CEP152: variants seen among roughly 807,000 people sequenced by gnomAD.
CEP152 encodes centrosomal protein 152.
A neutral mutation model predicts 188.9 loss-of-function variants in CEP152; 132 were observed. The observed-to-expected ratio is 0.70, with a 90% CI of 0.61 to 0.81. CEP152 has a LOEUF of 0.81. Ranked by LOEUF, CEP152 falls within the 30% of genes least tolerant of loss-of-function variation. The probability of loss-of-function intolerance (pLI) is 0.00; values close to 1 mark genes in which losing one functional copy is unlikely to be tolerated. For missense variants in CEP152, 1,914 were observed against 1,969.8 expected (o/e 0.97, Z 0.54); for synonymous variants, 649 against 666.6 (o/e 0.97, Z 0.41).
chr15:48,780,686 C>T (rs1397233577), intron 12 of CEP152, among the ~76,000 whole-genome samples: 2 of 152,204 alleles, frequency 1.3e-5, no homozygotes, highest in Non-Finnish European at 2.9e-5. Flanking sequence ...ATACATCAAA[C>T]ATAACATTGA....
intron 12 of CEP152, among the ~76,000 whole-genome samples, chr15:48,775,201 A>G (rs1251054539): frequency 6.6e-6 from 1 of 152,026 alleles, no homozygotes; most frequent in Non-Finnish European, 1.5e-5. Context: ...CCAAAAGGAG[A>G]GAACAAAGAC....
In CEP152 at chr15:48,783,752, TA is replaced by T. The variant is rs893869178; in HGVS notation, c.1321+220del. 32 of 171,222 alleles carry T rather than the reference TA, an allele frequency of 1.9e-4. No individual in the cohort carries two copies. In the East Asian group the frequency reaches 3.1e-3, roughly 17 times the overall value. 10.6% of individuals were successfully genotyped at this position (171,222 alleles called of 1,614,324 possible). ...AATAAAAACAAACTAAACCTTTATA[TA>T]TTTTTTTATATATGTGTGTATGTAT... On this transcript the variant is annotated intron_variant, in intron 10 of 26. Transcript: ENST00000380950.
At chr15:48,781,845 C>T (rs1379591954) in intron 11 of CEP152, among the ~76,000 whole-genome samples, 1 of 152,138 alleles carries the variant, frequency 6.6e-6, no homozygotes, top group East Asian at 1.9e-4. Flanking sequence ...ATTCAACATT[C>T]CCCACCCCCA....
chr15:48,788,770 A>G lies in CEP152; in HGVS notation c.1173+31T>C, dbSNP rs1260508362. 5 of 1,585,706 alleles carry G rather than the reference A, an allele frequency of 3.2e-6. No homozygotes were observed. The African/African-American group carries it at 4.0e-5, about 13-fold the overall frequency. ...AAAACATAACCAGCTTTACTTGTTG[A>G]TAACAGTTGCTCATTTGAAATCATC... On this transcript the variant is annotated intron_variant, in intron 9 of 26. Transcript: ENST00000380950.
chr15:48,759,736 C>T (rs1894541442), intron 19 of CEP152, among the ~76,000 whole-genome samples: 1 of 152,074 alleles, frequency 6.6e-6, no homozygotes, highest in Non-Finnish European at 1.5e-5. Flanking sequence ...AGTCAAGAAA[C>T]ATGACATTTC....
intron 2 of CEP152, among the ~76,000 whole-genome samples, chr15:48,732,509 G>A (rs1473590099): frequency 6.6e-6 from 1 of 151,966 alleles, no homozygotes; most frequent in Non-Finnish European, 1.5e-5. Flanking sequence ...GGAACACATG[G>A]ACACAGAGAG....
At chr15:48,787,163 GT>G (rs747436177) in intron 9 of CEP152, among the ~76,000 whole-genome samples, 5,719 of 101,406 alleles carry the variant, frequency 0.056, 407 homozygotes, top group East Asian at 0.35. Context: ...TATAGCCTTC[GT>G]TTTTTTTTTT....
Position 48,788,961 on chromosome 15 carries a change from C to T in CEP152, c.1013G>A (p.Ser338Asn). 6.2e-7 allele frequency: 1 copy of T among 1,614,196 alleles called. No homozygotes were observed. Among genetic ancestry groups the T allele is most frequent in the Admixed American group, 1.7e-5 (1 of 60,022 alleles). The change falls in exon 9 of 27, where the codon AGC (serine) becomes AAC (asparagine). Residue 338 changes from serine (S) to asparagine (N), a missense_variant. Physicochemically the swap from Ser to Asn is conservative, Grantham distance 46. Transcript: ENST00000380950. The part of the protein sequence containing the change: ...KSRTTEMALE[S>N]LKQQLVDLHH... ...AAGGTCCACCAGCTGCTGCTTCAAG[C>T]TTTCCAGAGCCATTTCAGTTGTTCT...
At chr15:48,750,019 C>T (rs1893759678) in intron 21 of CEP152, among the ~76,000 whole-genome samples, 1 of 151,952 alleles carries the variant, frequency 6.6e-6, no homozygotes, top group African/African-American at 2.4e-5. Flanking sequence ...ATATAACTTA[C>T]CCTCCAATGG....
intron 14 of CEP152, among the ~76,000 whole-genome samples, chr15:48,768,535 A>G (rs1346062497): frequency 1.3e-5 from 2 of 152,212 alleles, no homozygotes; most frequent in African/African-American, 4.8e-5. Context: ...TAGTTTTCTG[A>G]CAGGACTAAA....
At chr15:48,808,350 G>A (rs1430161689) in intron 1 of CEP152, among the ~76,000 whole-genome samples, 3 of 149,934 alleles carry the variant, frequency 2.0e-5, no homozygotes, top group Non-Finnish European at 4.4e-5. Context: ...TTTGTTTAAG[G>A]CAAAAGACAT....
chr15:48,756,458 C>G lies in CEP152; in HGVS notation c.2790G>C (p.Lys930Asn), dbSNP rs552953431. ...CAAGTTCCTTCTGAAGAGAATGAAT[C>G]TTCTCTTCCAATTCCTTTCCAGGAA... ...NILPGKELEE[K>N]IHSLQKELEL... is the part of the protein sequence containing the mutation. The change falls in exon 20 of 27, where the codon AAG (lysine) becomes AAC (asparagine). Residue 930 changes from lysine (K) to asparagine (N), a missense_variant. By Grantham distance (94) the Lys-to-Asn change is moderately conservative (BLOSUM62 0). Transcript: ENST00000380950. 4.0e-5 allele frequency: 65 copies of G among 1,613,578 alleles called. No homozygotes were observed. In the South Asian group the frequency reaches 6.5e-4, roughly 16 times the overall value.
At position 48,768,288 on chromosome 15, in the gene CEP152, T is replaced by C; in HGVS notation, c.1949A>G (p.Gln650Arg). The change falls in exon 15 of 27, where the codon CAA becomes CGA. Residue 650 changes from glutamine to arginine, a missense_variant. Transcript: ENST00000380950. The stretch of plus-strand genomic sequence containing the variant: ...TTGTCTCATTTGATTACATAAGTCT[T>C]GATTTGTATTTCTCAGTTTTCCTTC... ...ETEGKLRNTN[Q>R]DLCNQMRQMV... 6.2e-7 allele frequency: 1 copy of C among 1,611,242 alleles called. No individual in the cohort carries two copies. The highest frequency in any genetic ancestry group is 8.5e-7 in the Non-Finnish European group (1 of 1,177,412).
At chr15:48,800,310 T>C (rs1054487982) in intron 2 of CEP152, among the ~76,000 whole-genome samples, 1 of 152,182 alleles carries the variant, frequency 6.6e-6, no homozygotes, top group Admixed American at 6.5e-5. Context: ...TCAAGTTCTT[T>C]GGCATAGCTG....
intron 26 of CEP152, 92 bp from the exon 27 acceptor site, chr15:48,739,380 T>C (rs995569511): frequency 2.2e-5 from 31 of 1,439,550 alleles, no homozygotes; most frequent in Non-Finnish European, 2.5e-5. Flanking sequence ...AAATTAAAAA[T>C]AAGAAAAAAT....
Position 48,760,204 on chromosome 15 carries a change from C to T in CEP152, c.2625G>A (p.Glu875=), listed in dbSNP as rs1279579518. 1.9e-6 allele frequency: 3 copies of T among 1,614,002 alleles called. No individual in the cohort carries two copies. The highest frequency in any genetic ancestry group is 1.6e-4 in the Middle Eastern group (1 of 6,084). ...RWLGELPELA[E]YQALVKAEQK... is the part of the protein sequence containing the mutation. ...GTTCTGCCTTCACAAGTGCTTGATACTCTGCCAGCTCTGGTAGTTCTCCCA... is the reference window on the plus strand; with the variant it reads ...GTTCTGCCTTCACAAGTGCTTGATATTCTGCCAGCTCTGGTAGTTCTCCCA... Residue 875 remains glutamate (E), a synonymous_variant, in exon 19 of 27, where the codon GAG becomes GAA. Coordinates refer to ENST00000380950, the MANE Select transcript of CEP152 (RefSeq NM_001194998.2).
At chr15:48,758,739 G>GAAAAAAAAAAAAA (rs1894462399) in intron 19 of CEP152, among the ~76,000 whole-genome samples, 1 of 59,462 alleles carries the variant, frequency 1.7e-5, no homozygotes, top group Non-Finnish European at 3.7e-5. Flanking sequence ...AAAAAAAAAG[G>GAAAAAAAAAAAAA]CAAATTCCCA....
intron 2 of CEP152, among the ~76,000 whole-genome samples, chr15:48,802,637 T>C (rs892293429): frequency 1.8e-4 from 28 of 152,308 alleles, no homozygotes; most frequent in East Asian, 3.9e-4. Context: ...CTTTTTTTTT[T>C]CCCAAAATAT....
chr15:48,742,190 G>A, intron 24 of CEP152, 90 bp from the exon 25 acceptor site: 2 of 1,123,366 alleles, frequency 1.8e-6, no homozygotes, highest in Non-Finnish European at 2.7e-6. Flanking sequence ...CAATTTTCTG[G>A]TAGATGAAGT....
Sources: gnomAD v4.1 joint callset for allele counts (sites outside exome capture counted in the v4.1 genomes callset) on GRCh38, gnomAD v4.1.1 for gene constraint, MANE v1.5 for transcripts, NCBI Gene and HGNC (gene_info 2026-07-23, HGNC 2026-07-21) for gene names.